DCT: variants seen among roughly 807,000 people sequenced by gnomAD.
DCT encodes L-dopachrome tautomerase.
DCT carries 47 observed loss-of-function variants against 53.0 expected under a neutral mutation model. That is an observed-to-expected ratio of 0.89 (90% CI 0.70 to 1.13). The LOEUF is 1.13. DCT is among the 50% of genes most tolerant of loss of function. The pLI is 0.00. For missense variants in DCT, 669 were observed against 637.4 expected (o/e 1.05, Z -0.53); for synonymous variants, 244 against 237.0 (o/e 1.03, Z -0.27).
At chr13:94,534,383 T>C in the DCT span, among the ~76,000 whole-genome samples, 1 of 152,246 alleles carries the variant, frequency 6.6e-6, no homozygotes, top group Non-Finnish European at 1.5e-5. Flanking sequence ...CTAAATGATG[T>C]GTTTCAGCTG....
chr13:94,532,396 T>A, the DCT span, among the ~76,000 whole-genome samples: 1 of 152,148 alleles, frequency 6.6e-6, no homozygotes, highest in Non-Finnish European at 1.5e-5. Context: ...CACATGTCCA[T>A]CAATGATAGA....
chr13:94,507,591 C>T, the DCT span, among the ~76,000 whole-genome samples: 992 of 151,762 alleles, frequency 6.5e-3, 15 homozygotes, highest in African/African-American at 0.023. Context: ...AGCTCTGCCT[C>T]CTGGGTTCAC....
At chr13:94,452,655 G>A (rs1203999686) in intron 6 of DCT, 2 of 760,938 alleles carry the variant, frequency 2.6e-6, no homozygotes, top group Admixed American at 1.8e-5. Flanking sequence ...CAAACGATTA[G>A]AAATCACCTA....
At chr13:94,461,351 T>G (rs961097378) in intron 5 of DCT, among the ~76,000 whole-genome samples, 1 of 152,094 alleles carries the variant, frequency 6.6e-6, no homozygotes, top group African/African-American at 2.4e-5. Context: ...CCTCTACAGG[T>G]ACATACCACC....
the DCT span, among the ~76,000 whole-genome samples, chr13:94,518,133 GGAAGGAAGGAAGGAAGGAAGGAAT>G: frequency 5.5e-5 from 8 of 144,764 alleles, no homozygotes; most frequent in African/African-American, 2.1e-4. Flanking sequence ...AAGGAAGGAA[GGAAGGAAGGAAGGAAGGAAGGAAT>G]GAAGGAAGGA....
At chr13:94,485,339 A>G in the DCT span, among the ~76,000 whole-genome samples, 2 of 152,166 alleles carry the variant, frequency 1.3e-5, no homozygotes, top group African/African-American at 4.8e-5. Flanking sequence ...TCCGAGCATC[A>G]TCAGTGTTTC....
chr13:94,455,035 A>G (rs1883318624), intron 6 of DCT, among the ~76,000 whole-genome samples: 1 of 152,172 alleles, frequency 6.6e-6, no homozygotes, highest in East Asian at 1.9e-4. Context: ...TTTCTCACCC[A>G]TCAAGTCACA....
chr13:94,507,789 C>T, the DCT span, among the ~76,000 whole-genome samples: 3 of 152,146 alleles, frequency 2.0e-5, no homozygotes, highest in Non-Finnish European at 1.5e-5. Flanking sequence ...CGTGAGCCAC[C>T]GCGCCCCGCC....
At chr13:94,524,632 G>C in the DCT span, among the ~76,000 whole-genome samples, 1 of 152,206 alleles carries the variant, frequency 6.6e-6, no homozygotes, top group Admixed American at 6.5e-5. Context: ...CATGTGCAGA[G>C]TGGCTTGCTG....
chr13:94,516,796 C>T, the DCT span, among the ~76,000 whole-genome samples: 2 of 131,200 alleles, frequency 1.5e-5, no homozygotes, highest in South Asian at 2.7e-4. Flanking sequence ...AGGTCCTCAC[C>T]AAATGTAGCC....
intron 1 of DCT, among the ~76,000 whole-genome samples, chr13:94,474,588 C>A (rs144315841): frequency 6.6e-6 from 1 of 152,110 alleles, no homozygotes; most frequent in African/African-American, 2.4e-5. Context: ...CTATTTGGTG[C>A]GCAAGTTTTT....
Position 94,479,083 on chromosome 13 carries a change from C to G in DCT, c.173G>C (p.Arg58Pro). ...SANVCGSQQGRGQCTEVRADT... is the reference protein window; with the variant it reads ...SANVCGSQQGPGQCTEVRADT... ...GGCTCGCACCTCTGTGCACTGCCCCCGGCCTTGCTGAGAGCCACAGACATT... is the reference window on the plus strand; with the variant it reads ...GGCTCGCACCTCTGTGCACTGCCCCGGGCCTTGCTGAGAGCCACAGACATT... The change falls in exon 1 of 8, where the codon CGG (arginine) becomes CCG (proline). Residue 58 changes from arginine (R) to proline (P), a missense_variant. Coordinates refer to ENST00000377028, the MANE Select transcript of DCT (RefSeq NM_001922.5). The G allele has an allele frequency of 6.2e-7, 1 of 1,614,214 alleles. No individual in the cohort carries two copies. Among genetic ancestry groups the G allele is most frequent in the Non-Finnish European group, 8.5e-7 (1 of 1,180,040 alleles).
the DCT span, among the ~76,000 whole-genome samples, chr13:94,538,697 T>TA: frequency 1.3e-5 from 2 of 152,200 alleles, no homozygotes; most frequent in African/African-American, 4.8e-5. Flanking sequence ...CCATCACAAA[T>TA]ACAACTGAGA....
intron 5 of DCT, among the ~76,000 whole-genome samples, chr13:94,460,581 T>C (rs1415628066): frequency 2.0e-5 from 3 of 152,134 alleles, no homozygotes; most frequent in South Asian, 2.1e-4. Flanking sequence ...AATTCTTTTA[T>C]TTAACATATA....
intron 6 of DCT, among the ~76,000 whole-genome samples, chr13:94,443,882 A>AGGAG (rs1882534330): frequency 6.6e-6 from 1 of 152,192 alleles, no homozygotes; most frequent in South Asian, 2.1e-4. Flanking sequence ...ACGATGTATG[A>AGGAG]ATCTCTCTCT....
chr13:94,439,159 T>C lies in DCT; in HGVS notation c.*739A>G, dbSNP rs1309747323. 6.5e-6 allele frequency: 1 copy of C among 153,148 alleles called. No individual in the cohort carries two copies. Among genetic ancestry groups the C allele is most frequent in the African/African-American group, 2.4e-5 (1 of 41,466 alleles). 9.5% of individuals were successfully genotyped at this position (153,148 alleles called of 1,614,324 possible). On this transcript the variant is annotated 3_prime_UTR_variant, in exon 8 of 8. Transcript: ENST00000377028. ...TCTATTTATCACTATAGAATCAATG[T>C]GTATCCAGCTATTGAATCCTGTAAT...
At position 94,443,419 on chromosome 13, in the gene DCT, G is replaced by A. The variant is rs1405687344; in HGVS notation, c.1381+17C>T. On this transcript the variant is annotated intron_variant, in intron 7 of 7. Coordinates refer to ENST00000377028, the MANE Select transcript of DCT (RefSeq NM_001922.5). ...AGAAGATGAATGAATCACCCATTTG[G>A]AAGTTGTGTTAGTTACCTGGCAGAT... 1 of 1,586,222 alleles carries A rather than the reference G, an allele frequency of 6.3e-7. No individual in the cohort carries two copies. The highest frequency in any genetic ancestry group is 8.7e-7 in the Non-Finnish European group (1 of 1,154,716).
chr13:94,532,207 C>T, the DCT span, among the ~76,000 whole-genome samples: 996 of 152,250 alleles, frequency 6.5e-3, 13 homozygotes, highest in African/African-American at 0.023. Flanking sequence ...ATTAGTTCAA[C>T]CATTGTGGAA....
At chr13:94,441,421 A>G (rs995140314) in intron 7 of DCT, among the ~76,000 whole-genome samples, 2 of 152,208 alleles carry the variant, frequency 1.3e-5, no homozygotes, top group African/African-American at 2.4e-5. Flanking sequence ...AGTGGCATTA[A>G]GTACATTCAC....
Sources: gnomAD v4.1 joint callset for allele counts (sites outside exome capture counted in the v4.1 genomes callset) on GRCh38, gnomAD v4.1.1 for gene constraint, MANE v1.5 for transcripts, NCBI Gene and HGNC (gene_info 2026-07-23, HGNC 2026-07-21) for gene names.